The following DHH variants were observed in gnomAD, a reference collection of about 807,000 sequenced individuals.
DHH encodes desert hedgehog signaling molecule, also known as desert hedgehog protein.
DHH carries 16 observed loss-of-function variants against 27.6 expected under a neutral mutation model. That is an observed-to-expected ratio of 0.58 (90% confidence interval 0.39 to 0.88). DHH has a LOEUF of 0.88. Ranked by LOEUF, DHH falls within the 40% of genes least tolerant of loss-of-function variation. The pLI is 0.00. For missense variants in DHH, 436 were observed against 563.1 expected, an observed-to-expected ratio of 0.77 and a Z score of 2.28; for synonymous variants, 289 against 263.4, an observed-to-expected ratio of 1.10 and a Z score of -0.94.
rs767048615 is a variant in DHH at position 49,089,972 on chromosome 12, A to G, written c.1078T>C (p.Leu360=). ...GCCCCTAGCGCGTGCAGCAGTCTCA[A>G]GGGGGCAAAAGCGCGGTGCGCCCAC... ...HQWAHRAFAP[L]RLLHALGALL... The change falls in exon 3 of 3, where the codon TTG becomes CTG. Residue 360 remains leucine (L), a synonymous_variant. Transcript: ENST00000649637. 5.7e-5 allele frequency: 90 copies of G among 1,572,714 alleles called. No homozygotes were observed. The highest frequency in any genetic ancestry group is 9.4e-5 in the Admixed American group (5 of 53,194).
At position 49,090,700 on chromosome 12, in the gene DHH, TATGTATGTATG is replaced by T. The variant is rs1247979280; in HGVS notation, c.566-227_566-217del. Among the ~76,000 whole-genome samples, 38 of 150,958 alleles carry T rather than the reference TATGTATGTATG, an allele frequency of 2.5e-4. No homozygotes were observed. The highest frequency in any genetic ancestry group is 4.7e-4 in the Admixed American group (7 of 15,028). On this transcript the variant is annotated intron_variant, in intron 2 of 2. Transcript: ENST00000649637. This position sits in a 1 kb window ranked among gnomAD's most constrained non-coding sequence, Gnocchi z 5.2. Reference sequence around the variant, plus strand: ...GTATGTATGTATGTATGTATGTATGTATGTATGTATGTATTTTGAGATAGAATCTCGCTCTG... The same window carrying T: ...GTATGTATGTATGTATGTATGTATGTTATTTTGAGATAGAATCTCGCTCTG...
chr12:49,090,275 C>T lies in DHH; in HGVS notation c.775G>A (p.Glu259Lys), dbSNP rs1270679412. ...RRASFVAVETEWPPRKLLLTP... is the reference protein window; with the variant it reads ...RRASFVAVETKWPPRKLLLTP... ...AGCAACAGTTTGCGTGGAGGCCACTCGGTCTCCACAGCCACAAATGAAGCC... is the reference window on the plus strand; with the variant it reads ...AGCAACAGTTTGCGTGGAGGCCACTTGGTCTCCACAGCCACAAATGAAGCC... Residue 259 changes from glutamate to lysine, a missense_variant, in exon 3 of 3, where the codon GAG becomes AAG. Transcript: ENST00000649637. This position sits in a 1 kb window ranked among gnomAD's most constrained non-coding sequence, Gnocchi z 5.2. 3 of 1,576,288 alleles carry T rather than the reference C, an allele frequency of 1.9e-6. No homozygotes were observed. Among genetic ancestry groups the T allele is most frequent in the African/African-American group, 1.3e-5 (1 of 74,364 alleles).
intron 1 of DHH, 49 bp downstream of exon 1, chr12:49,094,161 C>G (rs372085657): frequency 2.5e-6 from 4 of 1,608,100 alleles, no homozygotes; most frequent in Non-Finnish European, 3.4e-6. Context: ...CATAGGAAAA[C>G]GGAGGAGCTG....
chr12:49,090,015 C>T lies in DHH; in HGVS notation c.1035G>A (p.Ala345=). ...LVNDVLASCY[A]VLESHQWAHR... Reference sequence around the variant, plus strand: ...GCGCCCACTGGTGACTCTCCAGAACCGCGTAGCAAGAGGCCAGGACATCGT... The same window carrying T: ...GCGCCCACTGGTGACTCTCCAGAACTGCGTAGCAAGAGGCCAGGACATCGT... Residue 345 remains alanine, a synonymous_variant, in exon 3 of 3, where the codon GCG becomes GCA. Coordinates refer to ENST00000649637, the MANE Select transcript of DHH (RefSeq NM_021044.4). The surrounding 1 kb of genome is among the most constrained non-coding windows in gnomAD (Gnocchi z 5.2). 6.4e-7 allele frequency: 1 copy of T among 1,559,502 alleles called. No homozygotes were observed. Among genetic ancestry groups the T allele is most frequent in the Non-Finnish European group, 8.7e-7 (1 of 1,153,344 alleles).
At position 49,094,349 on chromosome 12, in the gene DHH, C is replaced by G; in HGVS notation, c.164G>C (p.Arg55Pro). 6.2e-7 allele frequency: 1 copy of G among 1,613,114 alleles called. No individual in the cohort carries two copies. The highest frequency in any genetic ancestry group is 8.5e-7 in the Non-Finnish European group (1 of 1,179,924). The change falls in exon 1 of 3, where the codon CGG (arginine) becomes CCG (proline). Residue 55 changes from arginine (R) to proline (P), a missense_variant. Physicochemically the swap from Arg to Pro is moderately radical, Grantham distance 103. Coordinates refer to ENST00000649637, the MANE Select transcript of DHH (RefSeq NM_021044.4). ...YKQFVPGVPE[R>P]TLGASGPAEG... ...CGCTGGCCCACTGGCGCCCAGGGTC[C>G]GCTCTGGCACGCCGGGCACAAATTG...
chr12:49,089,674 A>G lies in DHH; in HGVS notation c.*185T>C, dbSNP rs1761392560. ...GGAGTGCGCACCATCAGCCCTACCT[A>G]CCTAGGACCCGGTATCACCTCCTCT... On this transcript the variant is annotated 3_prime_UTR_variant, in exon 3 of 3. Transcript: ENST00000649637. 1 of 683,644 alleles carries G rather than the reference A, an allele frequency of 1.5e-6. No individual in the cohort carries two copies. The highest frequency in any genetic ancestry group is 2.2e-6 in the Non-Finnish European group (1 of 445,952). 42.3% of individuals were successfully genotyped at this position (683,644 alleles called of 1,614,324 possible). A position where few individuals can be genotyped will look rare whatever the true frequency, so the allele number is the denominator to read the frequency against.
rs1326267715 is a variant in DHH, at chr12:49,090,782, A to G, written c.566-298T>C. On this transcript the variant is annotated intron_variant, in intron 2 of 2. Transcript: ENST00000649637. The surrounding 1 kb of genome is among the most constrained non-coding windows in gnomAD (Gnocchi z 5.2). ...AGTGGCACCATCTCGGCTCACTGCA[A>G]CTTCTACCTCCCGGGTTCAAGTGAT... Among the ~76,000 whole-genome samples the G allele has an allele frequency of 1.3e-5, 2 of 152,068 alleles. No homozygotes were observed. Among genetic ancestry groups the G allele is most frequent in the Non-Finnish European group, 2.9e-5 (2 of 68,016 alleles).
rs763306342 is a variant in DHH at position 49,089,926 on chromosome 12, A to G, written c.1124T>C (p.Val375Ala). The change falls in exon 3 of 3, where the codon GTC (valine) becomes GCC (alanine). Residue 375 changes from valine (V) to alanine (A), a missense_variant. By Grantham distance (64) the Val-to-Ala change is moderately conservative (BLOSUM62 0). Transcript: ENST00000649637. The stretch of plus-strand genomic sequence containing the variant: ...GTACCAATGCATGCCAGTCGGCTGG[A>G]CGGCCCCGCCGGGGAGCAGCGCCCC... Reference protein sequence around the residue: ...ALGALLPGGAVQPTGMHWYSR... With the variant: ...ALGALLPGGAAQPTGMHWYSR... The G allele has an allele frequency of 2.5e-6, 4 of 1,588,322 alleles. No homozygotes were observed. The South Asian group carries it at 4.6e-5, about 18-fold the overall frequency.
rs1939256894 is a variant in DHH, at chr12:49,089,505, G to A, written c.*354C>T. 5.1e-6 allele frequency: 1 copy of A among 196,624 alleles called. No homozygotes were observed. Among genetic ancestry groups the A allele is most frequent in the African/African-American group, 2.3e-5 (1 of 43,242 alleles). 12.2% of individuals were successfully genotyped at this position (196,624 alleles called of 1,614,324 possible). Reference sequence around the variant, plus strand: ...GATGTCAGACTGGCTGGCTGTGTCAGACAGTGTTAATGCCATGCCCCAGCC... The same window carrying A: ...GATGTCAGACTGGCTGGCTGTGTCAAACAGTGTTAATGCCATGCCCCAGCC... On this transcript the variant is annotated 3_prime_UTR_variant, in exon 3 of 3. Coordinates refer to ENST00000649637, the MANE Select transcript of DHH (RefSeq NM_021044.4).
In DHH at chr12:49,089,863, C is replaced by G; in HGVS notation, c.1187G>C (p.Gly396Ala). ...LLYRLAEELL[G>A] Reference sequence around the variant, plus strand: ...AGGTTTCTATGCCTGGGACGCTCAGCCCAGTAGCTCCTCCGCTAAGCGGTA... The same window carrying G: ...AGGTTTCTATGCCTGGGACGCTCAGGCCAGTAGCTCCTCCGCTAAGCGGTA... The change falls in exon 3 of 3, where the codon GGC (glycine) becomes GCC (alanine). Residue 396 changes from glycine (G) to alanine (A), a missense_variant. Transcript: ENST00000649637. The G allele has an allele frequency of 6.4e-7, 1 of 1,554,436 alleles. No homozygotes were observed. The highest frequency in any genetic ancestry group is 1.4e-5 in the African/African-American group (1 of 71,768).
rs1939222604 is a variant in DHH, at chr12:49,087,126, G to A, written c.*2733C>T. Among the ~76,000 whole-genome samples the A allele has an allele frequency of 6.6e-6, 1 of 152,050 alleles. No individual in the cohort carries two copies. The highest frequency in any genetic ancestry group is 6.5e-5 in the Admixed American group (1 of 15,270). ...TGCTGCAATTGGGAGGTGTTGCATG[G>A]CCAAGTGAATATGCCCACCTGCTGC... On this transcript the variant is annotated 3_prime_UTR_variant, in exon 3 of 3. Coordinates refer to ENST00000649637, the MANE Select transcript of DHH (RefSeq NM_021044.4).
At chr12:49,094,010 C>A (rs1325473414) in intron 1 of DHH, among the ~76,000 whole-genome samples, 200 bp downstream of exon 1, 4 of 152,212 alleles carry the variant, frequency 2.6e-5, no homozygotes, top group Admixed American at 6.5e-5. Context: ...CCCTCCCCAT[C>A]CCAGACTATT....
Position 49,090,207 on chromosome 12 carries a change from G to T in DHH, c.843C>A (p.Pro281=). 1.9e-6 allele frequency: 3 copies of T among 1,552,176 alleles called. No homozygotes were observed. In the South Asian group the frequency reaches 3.6e-5, roughly 18 times the overall value. The change falls in exon 3 of 3, where the codon CCC becomes CCA. Residue 281 remains proline, a synonymous_variant. Transcript: ENST00000649637. The surrounding 1 kb of genome is among the most constrained non-coding windows in gnomAD (Gnocchi z 5.2). ...ACACCGGTGCAAAGTCGCCTGGCGC[G>T]GGCGCCGGCCCTCGAGCGGCAAACA... ...HLVFAARGPA[P]APGDFAPVFA...
At chr12:49,092,063 G>T (rs1460378378) in intron 1 of DHH, 1 of 153,206 alleles carries the variant, frequency 6.5e-6, no homozygotes, top group Non-Finnish European at 1.5e-5. Context: ...CCGGGAACGC[G>T]CTGGGAGAAG....
Position 49,090,450 on chromosome 12 carries a change from A to G in DHH, c.600T>C (p.Phe200=). The G allele has an allele frequency of 3.7e-6, 6 of 1,606,458 alleles. No individual in the cohort carries two copies. Among genetic ancestry groups the G allele is most frequent in the Non-Finnish European group, 4.2e-6 (5 of 1,179,758 alleles). Residue 200 remains phenylalanine (F), a synonymous_variant, in exon 3 of 3, where the codon TTT becomes TTC. Transcript: ENST00000649637. The surrounding 1 kb of genome is among the most constrained non-coding windows in gnomAD (Gnocchi z 5.2). ...NSLAVRAGGC[F]PGNATVRLWS... is the part of the protein sequence containing the mutation. ...ACAGGCGCACAGTTGCATTTCCCGG[A>G]AAGCAGCCGCCCGCCCGGACCGCCA... is the stretch of plus-strand genomic sequence containing the variant.
intron 1 of DHH, among the ~76,000 whole-genome samples, chr12:49,093,957 C>A (rs1402293469): frequency 2.6e-5 from 4 of 152,230 alleles, no homozygotes; most frequent in South Asian, 2.1e-4. Context: ...TCCCCGCCCT[C>A]GCTGCCTCTA....
chr12:49,088,182 T>C lies in DHH; in HGVS notation c.*1677A>G, dbSNP rs1038834233. Among the ~76,000 whole-genome samples the C allele has an allele frequency of 3.9e-5, 6 of 152,120 alleles. No individual in the cohort carries two copies. Among genetic ancestry groups the C allele is most frequent in the African/African-American group, 1.2e-4 (5 of 41,422 alleles). On this transcript the variant is annotated 3_prime_UTR_variant, in exon 3 of 3. Transcript: ENST00000649637. ...CTGCAGCTTCCAGGAACCACAGAGC[T>C]AAACTAGGCAGGAGTGATGTAAAAG...
Position 49,090,588 on chromosome 12 carries a change from G to A in DHH, c.566-104C>T, listed in dbSNP as rs565714947. ...CCAGTCATGGACAACACAATTTTCCGTTAATCTGACTGGCCCCAACCTGGG... is the reference window on the plus strand; with the variant it reads ...CCAGTCATGGACAACACAATTTTCCATTAATCTGACTGGCCCCAACCTGGG... On this transcript the variant is annotated intron_variant, in intron 2 of 2. Coordinates refer to ENST00000649637, the MANE Select transcript of DHH (RefSeq NM_021044.4). The surrounding 1 kb of genome is among the most constrained non-coding windows in gnomAD (Gnocchi z 5.2). 229 of 1,484,854 alleles carry A rather than the reference G, an allele frequency of 1.5e-4. No individual in the cohort carries two copies. Among genetic ancestry groups the A allele is most frequent in the Non-Finnish European group, 2.0e-4 (220 of 1,099,654 alleles). 92.0% of individuals were successfully genotyped at this position (1,484,854 alleles called of 1,614,324 possible).
In DHH at chr12:49,089,097, C is replaced by T. The variant is rs1259073918; in HGVS notation, c.*762G>A. On this transcript the variant is annotated 3_prime_UTR_variant, in exon 3 of 3. Coordinates refer to ENST00000649637, the MANE Select transcript of DHH (RefSeq NM_021044.4). The stretch of plus-strand genomic sequence containing the variant: ...ACTAGATGCTTTGAGTATCAGTACT[C>T]ATAGGGGCCTGAGCCCCTGCTGGAG... Among the ~76,000 whole-genome samples the T allele has an allele frequency of 6.6e-6, 1 of 152,254 alleles. No homozygotes were observed. Among genetic ancestry groups the T allele is most frequent in the African/African-American group, 2.4e-5 (1 of 41,468 alleles).
Sources: allele counts gnomAD v4.1 joint callset (sites outside exome capture counted in the v4.1 genomes callset), GRCh38; gene constraint gnomAD v4.1.1; non-coding constraint Gnocchi (gnomAD v3.1); transcripts MANE v1.5; gene names NCBI Gene and HGNC (gene_info 2026-07-23, HGNC 2026-07-21).